PCGF5: variants seen among roughly 807,000 people sequenced by gnomAD.
The protein encoded by PCGF5 is polycomb group ring finger 5.
PCGF5 carries 9 observed loss-of-function variants against 44.3 expected under a neutral mutation model. The ratio of observed to expected loss-of-function variants is 0.20; its 90% confidence interval spans 0.12 to 0.35. The LOEUF is 0.35. PCGF5 is among the 10% of genes least tolerant of loss of function. The pLI is 1.00. For synonymous variants in PCGF5, 95 were observed against 102.5 expected (o/e 0.93, Z 0.44); for missense variants, 146 against 305.3 (o/e 0.48, Z 3.89).
intron 2 of PCGF5, among the ~76,000 whole-genome samples, chr10:91,224,569 G>T (rs892598386): frequency 2.0e-5 from 3 of 152,150 alleles, no homozygotes; most frequent in Non-Finnish European, 4.4e-5. Context: ...AGACATGGAG[G>T]TAATTTATAG....
chr10:91,272,346 T>A (rs1449192401), intron 9 of PCGF5, among the ~76,000 whole-genome samples: 5 of 152,200 alleles, frequency 3.3e-5, no homozygotes, highest in Admixed American at 2.6e-4. Flanking sequence ...ACCATTTCTT[T>A]AAAATATCCA....
At chr10:91,225,428 A>T (rs1431104334) in intron 2 of PCGF5, among the ~76,000 whole-genome samples, 1 of 151,586 alleles carries the variant, frequency 6.6e-6, no homozygotes, top group Non-Finnish European at 1.5e-5. Context: ...AAGCCCTTTT[A>T]CTGAGAGAGA....
chr10:91,215,106 A>G (rs1370823674), intron 1 of PCGF5, among the ~76,000 whole-genome samples: 1 of 152,204 alleles, frequency 6.6e-6, no homozygotes, highest in Non-Finnish European at 1.5e-5. Context: ...TCACCCTCCT[A>G]ACATTTTTGG....
intron 1 of PCGF5, among the ~76,000 whole-genome samples, chr10:91,186,007 AGTC>A: frequency 6.6e-6 from 1 of 152,132 alleles, no homozygotes; most frequent in Non-Finnish European, 1.5e-5. Flanking sequence ...AGCTGCTTCT[AGTC>A]AGCCATCTTG....
chr10:91,222,837 C>G lies in PCGF5; in HGVS notation c.-35C>G. 6 of 1,346,532 alleles carry G rather than the reference C, an allele frequency of 4.5e-6. No individual in the cohort carries two copies. Among genetic ancestry groups the G allele is most frequent in the Non-Finnish European group, 6.4e-6 (6 of 937,154 alleles). The allele number at this position is 1,346,532 out of a possible 1,614,324, so 83.4% of individuals were successfully genotyped here. Reference sequence around the variant, plus strand: ...TTCATCTACTTAGGACCCCTCTTTGCCCAGACTACTAAAGCCAGTCTTCAC... The same window carrying G: ...TTCATCTACTTAGGACCCCTCTTTGGCCAGACTACTAAAGCCAGTCTTCAC... On this transcript the variant is annotated 5_prime_UTR_variant, in exon 2 of 10. Transcript: ENST00000336126.
chr10:91,198,491 C>T (rs1186916736), intron 1 of PCGF5, among the ~76,000 whole-genome samples: 1 of 152,242 alleles, frequency 6.6e-6, no homozygotes. Context: ...CTTACCTACC[C>T]CTAGTACCCC....
chr10:91,173,817 T>C (rs1313367781), intron 1 of PCGF5, among the ~76,000 whole-genome samples: 1 of 152,086 alleles, frequency 6.6e-6, no homozygotes, highest in Non-Finnish European at 1.5e-5. Context: ...CTAAGGATCT[T>C]CAGATTTGTG....
At position 91,281,566 on chromosome 10, in the gene PCGF5, T is replaced by G. The variant is rs1311162332; in HGVS notation, c.*3250T>G. The G allele has an allele frequency of 6.6e-6, 1 of 152,612 alleles. No individual in the cohort carries two copies. The highest frequency in any genetic ancestry group is 1.5e-5 in the Non-Finnish European group (1 of 68,002). 9.5% of individuals were successfully genotyped at this position (152,612 alleles called of 1,614,324 possible). ...ATAGGCTCTTGTAAGTTAATTTTTT[T>G]GGAAGATTTTCATAAGAATATAGAT... On this transcript the variant is annotated 3_prime_UTR_variant, in exon 10 of 10. Coordinates refer to ENST00000336126, the MANE Select transcript of PCGF5 (RefSeq NM_032373.5).
At chr10:91,224,354 C>G (rs1206475606) in intron 2 of PCGF5, among the ~76,000 whole-genome samples, 1 of 152,114 alleles carries the variant, frequency 6.6e-6, no homozygotes, top group African/African-American at 2.4e-5. Flanking sequence ...TTAACTTGAA[C>G]AGTTAATTAA....
At chr10:91,259,374 T>A (rs1289828886) in intron 6 of PCGF5, among the ~76,000 whole-genome samples, 3 of 152,204 alleles carry the variant, frequency 2.0e-5, no homozygotes, top group Non-Finnish European at 2.9e-5. Context: ...ATCACTGCTC[T>A]TTCTGAAATT....
intron 1 of PCGF5, among the ~76,000 whole-genome samples, chr10:91,221,671 A>G (rs2133276607): frequency 6.6e-6 from 1 of 152,166 alleles, no homozygotes; most frequent in South Asian, 2.1e-4. Flanking sequence ...TGCACTTAGG[A>G]AAATCAACAC....
intron 1 of PCGF5, among the ~76,000 whole-genome samples, chr10:91,212,591 T>G (rs1260987567): frequency 2.6e-5 from 4 of 152,218 alleles, no homozygotes; most frequent in African/African-American, 9.6e-5. Context: ...GATAGAGAAT[T>G]GAATCTGAAT....
rs574713068 is a variant in PCGF5, at chr10:91,235,684, G to T, written c.113-4800G>T. Among the ~76,000 whole-genome samples the T allele has an allele frequency of 3.3e-5, 5 of 152,268 alleles. No individual in the cohort carries two copies. In the East Asian group the frequency reaches 9.6e-4, roughly 29 times the overall value. ...GGAGGTAATTGAATCATGGGGGCGG[G>T]TCTTTCTCACGCTGTTTTCTCAATA... is the stretch of plus-strand genomic sequence containing the variant. On this transcript the variant is annotated intron_variant, in intron 2 of 9. Transcript: ENST00000336126.
intron 1 of PCGF5, among the ~76,000 whole-genome samples, chr10:91,169,744 G>A (rs1177694371): frequency 6.6e-6 from 1 of 152,126 alleles, no homozygotes. Flanking sequence ...CAAAATCCCA[G>A]CAAGTTATTT....
At chr10:91,201,855 C>T (rs1052089404) in intron 1 of PCGF5, among the ~76,000 whole-genome samples, 4 of 151,476 alleles carry the variant, frequency 2.6e-5, no homozygotes, top group African/African-American at 9.7e-5. Context: ...TAGTGATGAA[C>T]ATTTAGTTAA....
At chr10:91,221,190 C>T (rs1430199122) in intron 1 of PCGF5, among the ~76,000 whole-genome samples, 2 of 152,152 alleles carry the variant, frequency 1.3e-5, no homozygotes, top group Non-Finnish European at 2.9e-5. Context: ...CAGAAAAGTT[C>T]CCCCTTGCCC....
intron 2 of PCGF5, among the ~76,000 whole-genome samples, chr10:91,223,600 G>A (rs940661899): frequency 1.1e-4 from 17 of 152,172 alleles, no homozygotes; most frequent in African/African-American, 3.6e-4. Context: ...ATTGGAAGAG[G>A]AAGAGGCATT....
intron 1 of PCGF5, among the ~76,000 whole-genome samples, chr10:91,204,947 G>A (rs1263534320): frequency 1.3e-5 from 2 of 151,976 alleles, no homozygotes; most frequent in Non-Finnish European, 2.9e-5. Flanking sequence ...CTTAAAATTT[G>A]GAATACATAG....
intron 1 of PCGF5, among the ~76,000 whole-genome samples, chr10:91,179,079 G>A (rs1284639190): frequency 2.6e-5 from 4 of 152,224 alleles, no homozygotes; most frequent in Non-Finnish European, 5.9e-5. Flanking sequence ...AGGAGCTAGG[G>A]CTAATTCCTC....
Sources: allele counts gnomAD v4.1 joint callset (sites outside exome capture counted in the v4.1 genomes callset), GRCh38; gene constraint gnomAD v4.1.1; transcripts MANE v1.5; gene names NCBI Gene and HGNC (gene_info 2026-07-23, HGNC 2026-07-21).